ABCC9: variants seen among roughly 807,000 people sequenced by gnomAD.
ABCC9 encodes ATP binding cassette subfamily C member 9.
ABCC9 carries 95 observed loss-of-function variants against 188.3 expected under a neutral mutation model. The observed-to-expected ratio is 0.50, with a 90% CI of 0.43 to 0.60. The LOEUF is 0.60. Among genes scored for constraint, ABCC9 ranks in the 20% least tolerant of loss-of-function variants. The probability of loss-of-function intolerance (pLI) is 0.00; values close to 1 mark genes in which losing one functional copy is unlikely to be tolerated. For synonymous variants in ABCC9, 659 were observed against 652.7 expected (o/e 1.01, Z -0.15); for missense variants, 1,102 against 1,876.3 (o/e 0.59, Z 7.62).
intron 35 of ABCC9, among the ~76,000 whole-genome samples, chr12:21,813,635 T>C (rs1414947851): frequency 2.6e-5 from 4 of 152,164 alleles, no homozygotes; most frequent in Non-Finnish European, 4.4e-5. Flanking sequence ...GATCACTTAA[T>C]TGCCTTATAA....
chr12:21,819,651 A>G (rs1024874791), intron 31 of ABCC9, among the ~76,000 whole-genome samples: 1 of 152,172 alleles, frequency 6.6e-6, no homozygotes, highest in Non-Finnish European at 1.5e-5. Context: ...AATGTTAAAT[A>G]CCAGTTAGAT....
intron 22 of ABCC9, among the ~76,000 whole-genome samples, chr12:21,855,563 T>TG (rs1945180986): frequency 1.3e-5 from 2 of 152,236 alleles, no homozygotes; most frequent in South Asian, 4.1e-4. Flanking sequence ...AAGGCATAAT[T>TG]GAAAGTCCAT....
At chr12:21,918,816 A>G (rs1948698918) in intron 5 of ABCC9, among the ~76,000 whole-genome samples, 1 of 152,126 alleles carries the variant, frequency 6.6e-6, no homozygotes, top group Non-Finnish European at 1.5e-5. Flanking sequence ...GGTCCTACTC[A>G]CACTCAAGGC....
At chr12:21,896,958 ATGGTATTTC>A (rs1947460541) in intron 12 of ABCC9, among the ~76,000 whole-genome samples, 1 of 152,216 alleles carries the variant, frequency 6.6e-6, no homozygotes, top group Admixed American at 6.5e-5. Flanking sequence ...GATGGGTCAA[ATGGTATTTC>A]TGGTTCTAGG....
chr12:21,840,946 C>T (rs1245892365), intron 29 of ABCC9, among the ~76,000 whole-genome samples: 1 of 152,218 alleles, frequency 6.6e-6, no homozygotes, highest in Non-Finnish European at 1.5e-5. Context: ...GCACTCAAGT[C>T]ATATTAACAT....
Position 21,852,011 on chromosome 12 carries a change from AT to A in ABCC9, c.2769+85del, listed in dbSNP as rs1944993734. ...TTATATTACAAAGTATTAAATGGTA[AT>A]TTTTTAAAAAGCATTCTTAGTAATT... On this transcript the variant is annotated intron_variant, in intron 24 of 39. Transcript: ENST00000261200. 4.6e-6 allele frequency: 7 copies of A among 1,508,840 alleles called. No individual in the cohort carries two copies. The East Asian group carries it at 1.4e-4, about 30-fold the overall frequency. The allele number at this position is 1,508,840 out of a possible 1,614,324, so 93.5% of individuals were successfully genotyped here.
chr12:21,936,422 C>A, intron 3 of ABCC9, 111 bp downstream of exon 3: 1 of 930,280 alleles, frequency 1.1e-6, no homozygotes, highest in Non-Finnish European at 1.6e-6. Context: ...TCGTTTCTCA[C>A]AGCCATCAGC....
intron 14 of ABCC9, among the ~76,000 whole-genome samples, chr12:21,891,704 TC>T (rs1947168166): frequency 6.6e-6 from 1 of 152,218 alleles, no homozygotes; most frequent in South Asian, 2.1e-4. Context: ...GTGTGCTTTA[TC>T]CCATTCTAAC....
intron 5 of ABCC9, 119 bp downstream of exon 5, chr12:21,925,823 A>T: frequency 8.8e-7 from 1 of 1,133,292 alleles, no homozygotes; most frequent in Non-Finnish European, 1.3e-6. Flanking sequence ...TGGTTTTCCC[A>T]TACTTTCTAC....
intron 28 of ABCC9, among the ~76,000 whole-genome samples, chr12:21,843,121 T>G (rs1306529841): frequency 6.6e-6 from 1 of 152,164 alleles, no homozygotes; most frequent in Non-Finnish European, 1.5e-5. Context: ...TGTTTCTGAG[T>G]TCTTTGTCTT....
intron 29 of ABCC9, among the ~76,000 whole-genome samples, chr12:21,841,075 C>A (rs1944360412): frequency 6.6e-6 from 1 of 152,310 alleles, no homozygotes; most frequent in African/African-American, 2.4e-5. Context: ...TGAGAACAGG[C>A]CCCTGACATA....
rs1284227928 is a variant in ABCC9 at position 21,818,228 on chromosome 12, G to A, written c.3693C>T (p.Val1231=). The change falls in exon 32 of 40, where the codon GTC becomes GTT. Residue 1231 remains valine (V), a synonymous_variant. Transcript: ENST00000261200. ...TAATGGATGCTATAGATGCAGTGAG[G>A]ACAATGCAAGCTCCCAGATAATCCT... is the stretch of plus-strand genomic sequence containing the variant. ...VRTDYLGACI[V]LTASIASISG... 5 of 1,613,626 alleles carry A rather than the reference G, an allele frequency of 3.1e-6. No homozygotes were observed. Among genetic ancestry groups the A allele is most frequent in the Non-Finnish European group, 4.2e-6 (5 of 1,179,746 alleles).
chr12:21,936,632 T>C lies in ABCC9; in HGVS notation c.43A>G (p.Ile15Val). 1 of 1,611,340 alleles carries C rather than the reference T, an allele frequency of 6.2e-7. No homozygotes were observed. The highest frequency in any genetic ancestry group is 1.1e-5 in the South Asian group (1 of 90,984). ...FCGNNISSYN[I>V]NDGVLQNSCF... ...GAATTTTGTAGTACACCATCGTTGATATTATATGAAGAAATGTTGTTACCA... is the reference window on the plus strand; with the variant it reads ...GAATTTTGTAGTACACCATCGTTGACATTATATGAAGAAATGTTGTTACCA... Residue 15 changes from isoleucine to valine, a missense_variant, in exon 3 of 40, where the codon ATC (isoleucine) becomes GTC (valine). Ile to Val is a conservative substitution (Grantham distance 29). This residue lies in a region of ABCC9 where 305 missense variants were observed against 573.0 expected (regional missense o/e 0.53). Coordinates refer to ENST00000261200, the MANE Select transcript of ABCC9 (RefSeq NM_020297.4).
intron 10 of ABCC9, among the ~76,000 whole-genome samples, chr12:21,909,032 G>A (rs1948187889): frequency 6.6e-6 from 1 of 151,870 alleles, no homozygotes; most frequent in Admixed American, 6.6e-5. Context: ...CTTAATAGCA[G>A]CTGTCTGGGG....
intron 5 of ABCC9, chr12:21,925,443 A>T (rs1369410578): frequency 1.4e-6 from 1 of 699,402 alleles, no homozygotes; most frequent in South Asian, 1.5e-5. Context: ...TATGCTAGAA[A>T]CATACTCTGC....
chr12:21,928,684 G>A (rs1172176066), intron 4 of ABCC9, among the ~76,000 whole-genome samples: 2 of 152,150 alleles, frequency 1.3e-5, no homozygotes, highest in Non-Finnish European at 2.9e-5. Flanking sequence ...ATTAAAGGAA[G>A]CAATAACAAA....
intron 28 of ABCC9, 71 bp from the exon 29 acceptor site, chr12:21,842,542 C>T: frequency 6.7e-7 from 1 of 1,484,176 alleles, no homozygotes; most frequent in Non-Finnish European, 9.4e-7. Context: ...ACAAAAATAC[C>T]TATTTTTATG....
At chr12:21,902,917 G>A (rs888241183) in intron 12 of ABCC9, among the ~76,000 whole-genome samples, 1 of 152,104 alleles carries the variant, frequency 6.6e-6, no homozygotes, top group Admixed American at 6.6e-5. Context: ...AGAAAAAGAG[G>A]GAATCCTCGC....
intron 12 of ABCC9, among the ~76,000 whole-genome samples, chr12:21,904,228 T>A (rs1013195552): frequency 6.6e-6 from 1 of 152,192 alleles, no homozygotes; most frequent in African/African-American, 2.4e-5. Flanking sequence ...TATCCATATG[T>A]AGAAAGCTGA....
Sources: allele counts gnomAD v4.1 joint callset (sites outside exome capture counted in the v4.1 genomes callset), GRCh38; gene constraint gnomAD v4.1.1; regional missense constraint gnomAD v4.1.1; transcripts MANE v1.5; gene names NCBI Gene and HGNC (gene_info 2026-07-23, HGNC 2026-07-21).